Variants in AGAP1 observed in about 807,000 individuals in gnomAD.
The protein encoded by AGAP1 is ArfGAP with GTPase domain, ankyrin repeat and PH domain 1.
AGAP1 carries 29 observed loss-of-function variants against 105.3 expected under a neutral mutation model. That is an observed-to-expected ratio of 0.28 (90% confidence interval 0.21 to 0.38). The LOEUF (loss-of-function observed/expected upper bound fraction) is 0.38, where lower values mean the gene tolerates loss of function less well. AGAP1 is among the 10% of genes least tolerant of loss of function. The probability of loss-of-function intolerance (pLI) is 1.00; values close to 1 mark genes in which losing one functional copy is unlikely to be tolerated. For synonymous variants in AGAP1, 509 were observed against 485.9 expected, an observed-to-expected ratio of 1.05 and a Z score of -0.63; for missense variants, 998 against 1,165.1, an observed-to-expected ratio of 0.86 and a Z score of 2.09.
At chr2:235,955,642 A>G (rs909140210) in intron 12 of AGAP1, among the ~76,000 whole-genome samples, 1 of 152,136 alleles carries the variant, frequency 6.6e-6, no homozygotes, top group Non-Finnish European at 1.5e-5. Flanking sequence ...TCTATGACAT[A>G]TAACACTCAA....
chr2:235,694,603 G>A (rs569060141), intron 1 of AGAP1, among the ~76,000 whole-genome samples: 4 of 151,598 alleles, frequency 2.6e-5, no homozygotes, highest in Admixed American at 6.6e-5. Context: ...AGCCGAGATC[G>A]CGCCACTGCA....
rs137877685 is a variant in AGAP1 at position 235,622,045 on chromosome 2, A to G, written c.164-87134A>G. ...TGGTCAGCTTGCTACTGTCCAACCT[A>G]AGCTCATATTCAACACTTTAGAATG... is the stretch of plus-strand genomic sequence containing the variant. On this transcript the variant is annotated intron_variant, in intron 1 of 17. Transcript: ENST00000304032. This position sits in a 1 kb window ranked among gnomAD's most constrained non-coding sequence, Gnocchi z 5.0. Among the ~76,000 whole-genome samples, 25 of 152,332 alleles carry G rather than the reference A, an allele frequency of 1.6e-4. No homozygotes were observed. In the East Asian group the frequency reaches 4.4e-3, roughly 27 times the overall value.
Position 235,989,598 on chromosome 2 carries a change from G to A in AGAP1, c.1645+20975G>A, listed in dbSNP as rs2125447164. Reference sequence around the variant, plus strand: ...GACATGAGGCCACATACAAAGCTTAGGGCCACCCAGGAAGATGTGGGAGAA... The same window carrying A: ...GACATGAGGCCACATACAAAGCTTAAGGCCACCCAGGAAGATGTGGGAGAA... On this transcript the variant is annotated intron_variant, in intron 13 of 17. Transcript: ENST00000304032. The surrounding 1 kb of genome is among the most constrained non-coding windows in gnomAD (Gnocchi z 4.4). Among the ~76,000 whole-genome samples the A allele has an allele frequency of 6.6e-6, 1 of 152,274 alleles. No homozygotes were observed. Among genetic ancestry groups the A allele is most frequent in the South Asian group, 2.1e-4 (1 of 4,824 alleles).
At chr2:236,098,955 TGCGTAAGGACTAGATCCTTACTTCCTAGA>T (rs2059266251) in intron 16 of AGAP1, among the ~76,000 whole-genome samples, 1 of 151,716 alleles carries the variant, frequency 6.6e-6, no homozygotes, top group African/African-American at 2.4e-5. Flanking sequence ...AACATCCTAG[TGCGTAAGGACTAGATCCTTACTTCCTAGA>T]GATGTAAGGA....
At chr2:236,110,381 C>T (rs1041304894) in intron 16 of AGAP1, among the ~76,000 whole-genome samples, 5 of 132,244 alleles carry the variant, frequency 3.8e-5, no homozygotes, top group Admixed American at 2.9e-4. Flanking sequence ...AAGAAAAAGA[C>T]CCCCTTCTCT....
chr2:235,742,133 G>A (rs1186166565), intron 4 of AGAP1, among the ~76,000 whole-genome samples: 1 of 152,158 alleles, frequency 6.6e-6, no homozygotes, highest in Non-Finnish European at 1.5e-5. Flanking sequence ...CATTTTCTTG[G>A]CATTATTTCC....
intron 13 of AGAP1, among the ~76,000 whole-genome samples, chr2:236,013,960 T>A (rs2056606320): frequency 6.6e-6 from 1 of 152,064 alleles, no homozygotes; most frequent in Non-Finnish European, 1.5e-5. Context: ...GTTGGGAGGG[T>A]AAGGGCCTGG....
rs535183537 is a variant in AGAP1 at position 235,787,686 on chromosome 2, T to C, written c.674-10073T>C. Among the ~76,000 whole-genome samples, 330 of 152,302 alleles carry C rather than the reference T, an allele frequency of 2.2e-3. 1 individual carries two copies. The highest frequency in any genetic ancestry group is 4.1e-3 in the Non-Finnish European group (281 of 68,024). ...GAGTGAGGGATGCTATAAAGCATAG[T>C]AAAGAAACCTTCCTTGACACATTAA... On this transcript the variant is annotated intron_variant, in intron 6 of 17. Coordinates refer to ENST00000304032, the MANE Select transcript of AGAP1 (RefSeq NM_001037131.3). The surrounding 1 kb of genome is among the most constrained non-coding windows in gnomAD (Gnocchi z 4.4).
intron 1 of AGAP1, among the ~76,000 whole-genome samples, chr2:235,681,184 T>C (rs758838366): frequency 2.6e-5 from 4 of 152,176 alleles, no homozygotes; most frequent in Non-Finnish European, 5.9e-5. Context: ...AATTTTTTTG[T>C]ATTTTTAGTA....
rs537559412 is a variant in AGAP1, at chr2:235,611,191, C to CT, written c.164-97987dup. The stretch of plus-strand genomic sequence containing the variant: ...AATGTTCCCCTGCCTAGTGTAGGGA[C>CT]TGCCACTTCATGCTGTCTTGCCAGA... On this transcript the variant is annotated intron_variant, in intron 1 of 17. Coordinates refer to ENST00000304032, the MANE Select transcript of AGAP1 (RefSeq NM_001037131.3). The surrounding 1 kb of genome is among the most constrained non-coding windows in gnomAD (Gnocchi z 5.0). Among the ~76,000 whole-genome samples, 13 of 152,066 alleles carry CT rather than the reference C, an allele frequency of 8.5e-5. No individual in the cohort carries two copies. In the South Asian group the frequency reaches 2.5e-3, roughly 29 times the overall value.
intron 9 of AGAP1, among the ~76,000 whole-genome samples, chr2:235,858,240 C>T: frequency 6.6e-6 from 1 of 152,082 alleles, no homozygotes; most frequent in Non-Finnish European, 1.5e-5. Flanking sequence ...GTATTCATTG[C>T]TAAGATGCAT....
At chr2:235,761,349 C>T (rs1450854097) in intron 6 of AGAP1, among the ~76,000 whole-genome samples, 1 of 152,200 alleles carries the variant, frequency 6.6e-6, no homozygotes, top group Non-Finnish European at 1.5e-5. Context: ...TTAACTCTCA[C>T]ACTGCCAACA....
chr2:235,640,867 G>T (rs538162355), intron 1 of AGAP1, among the ~76,000 whole-genome samples: 73 of 152,264 alleles, frequency 4.8e-4, no homozygotes, highest in African/African-American at 1.6e-3. Flanking sequence ...GAAAAGATGG[G>T]AGAGAAAAGT....
intron 16 of AGAP1, among the ~76,000 whole-genome samples, chr2:236,103,148 C>T (rs2059401452): frequency 6.6e-6 from 1 of 152,160 alleles, no homozygotes; most frequent in South Asian, 2.1e-4. Flanking sequence ...GCACATGTGT[C>T]GTGGAGGGGT....
Position 235,663,315 on chromosome 2 carries a change from A to C in AGAP1, c.164-45864A>C, listed in dbSNP as rs1168282808. Among the ~76,000 whole-genome samples the C allele has an allele frequency of 1.3e-5, 2 of 152,178 alleles. No individual in the cohort carries two copies. Among genetic ancestry groups the C allele is most frequent in the African/African-American group, 4.8e-5 (2 of 41,448 alleles). On this transcript the variant is annotated intron_variant, in intron 1 of 17. Transcript: ENST00000304032. This position sits in a 1 kb window ranked among gnomAD's most constrained non-coding sequence, Gnocchi z 5.4. ...CAAGAAGGAAACTCTGTCTCAAAAA[A>C]AAAGAAGGGGAGCGATCACGTGCAT...
At chr2:235,626,072 A>T (rs1474737946) in intron 1 of AGAP1, among the ~76,000 whole-genome samples, 1 of 151,962 alleles carries the variant, frequency 6.6e-6, no homozygotes, top group Non-Finnish European at 1.5e-5. Flanking sequence ...AATATAGGCC[A>T]GTGCGGTGGC....
At chr2:235,968,761 A>G in intron 13 of AGAP1, 138 bp downstream of exon 13, 2 of 900,442 alleles carry the variant, frequency 2.2e-6, no homozygotes, top group Admixed American at 6.7e-5. Flanking sequence ...TTCTGTTTGC[A>G]AGGTGGCACG....
Position 235,882,765 on chromosome 2 carries a change from G to A in AGAP1, c.1051-580G>A, listed in dbSNP as rs1275597219. The stretch of plus-strand genomic sequence containing the variant: ...TCTGGGATTACAGGCGTGAGCCACC[G>A]TGCCCGGCCTGGTTAATGCAGTTTT... On this transcript the variant is annotated intron_variant, in intron 9 of 17. Transcript: ENST00000304032. The surrounding 1 kb of genome is among the most constrained non-coding windows in gnomAD (Gnocchi z 4.6). Among the ~76,000 whole-genome samples, 10 of 152,106 alleles carry A rather than the reference G, an allele frequency of 6.6e-5. No individual in the cohort carries two copies. The highest frequency in any genetic ancestry group is 9.7e-5 in the African/African-American group (4 of 41,426).
Position 235,963,991 on chromosome 2 carries a change from A to G in AGAP1, c.1484-4471A>G, listed in dbSNP as rs2054289788. ...ATAACGGAAGAGAGTTTATGATATAATGCACCTACTGTAGGCTCAGCATTG... is the reference window on the plus strand; with the variant it reads ...ATAACGGAAGAGAGTTTATGATATAGTGCACCTACTGTAGGCTCAGCATTG... On this transcript the variant is annotated intron_variant, in intron 12 of 17. Coordinates refer to ENST00000304032, the MANE Select transcript of AGAP1 (RefSeq NM_001037131.3). This position sits in a 1 kb window ranked among gnomAD's most constrained non-coding sequence, Gnocchi z 5.1. Among the ~76,000 whole-genome samples the G allele has an allele frequency of 6.6e-6, 1 of 152,190 alleles. No individual in the cohort carries two copies. The highest frequency in any genetic ancestry group is 2.4e-5 in the African/African-American group (1 of 41,432).
Sources: allele counts gnomAD v4.1 joint callset (sites outside exome capture counted in the v4.1 genomes callset), GRCh38; gene constraint gnomAD v4.1.1; non-coding constraint Gnocchi (gnomAD v3.1); transcripts MANE v1.5; gene names NCBI Gene and HGNC (gene_info 2026-07-23, HGNC 2026-07-21).